STK3: variants seen among roughly 807,000 people sequenced by gnomAD.
The protein encoded by STK3 is serine/threonine-protein kinase 3.
A neutral mutation model predicts 58.0 loss-of-function variants in STK3; 41 were observed. That is an observed-to-expected ratio of 0.71 (90% CI 0.55 to 0.92). The LOEUF (loss-of-function observed/expected upper bound fraction) is 0.92. Ranked by LOEUF, STK3 falls within the 40% of genes least tolerant of loss-of-function variation. The pLI is 0.00. For synonymous variants in STK3, 170 were observed against 191.0 expected (o/e 0.89, Z 0.91); for missense variants, 479 against 602.7 (o/e 0.79, Z 2.15).
chr8:98,366,260 TTG>T (rs1251021712), downstream of STK3, among the ~76,000 whole-genome samples: 8 of 152,224 alleles, frequency 5.3e-5, no homozygotes, highest in Non-Finnish European at 1.0e-4. Flanking sequence ...CATAGGTATA[TTG>T]GACATTCAGG....
chr8:98,912,761 AG>A, intron 1 of STK3, among the ~76,000 whole-genome samples: 1 of 152,350 alleles, frequency 6.6e-6, no homozygotes, highest in South Asian at 2.1e-4. Context: ...TATAAGACCA[AG>A]GGAAATGAAT....
intron 4 of STK3, among the ~76,000 whole-genome samples, chr8:98,711,497 C>T (rs1826436533): frequency 6.6e-6 from 1 of 152,130 alleles, no homozygotes; most frequent in Non-Finnish European, 1.5e-5. Context: ...GCACAAGCCT[C>T]AGTAGCCGAT....
intron 10 of STK3, among the ~76,000 whole-genome samples, chr8:98,462,312 G>T (rs1705917800): frequency 1.3e-5 from 2 of 152,100 alleles, no homozygotes; most frequent in Admixed American, 1.3e-4. Context: ...AATGGATAAA[G>T]AAAATATGGT....
At chr8:98,704,743 C>A (rs1825855138) in intron 6 of STK3, among the ~76,000 whole-genome samples, 1 of 152,162 alleles carries the variant, frequency 6.6e-6, no homozygotes, top group Admixed American at 6.5e-5. Flanking sequence ...CAATTCTCTG[C>A]TATCTGAGCA....
In STK3 at chr8:98,596,174, T is replaced by A; in HGVS notation, c.685-5A>T. ...TGTGGGAATCATAAAAATAGCCTAG[T>A]ACAAATGAAATATCCAAAAGACAGT... On this transcript the variant is annotated splice_polypyrimidine_tract_variant and splice_region_variant and intron_variant, in intron 6 of 10. Coordinates refer to ENST00000419617, the MANE Select transcript of STK3 (RefSeq NM_006281.4). The A allele has an allele frequency of 1.2e-6, 2 of 1,610,136 alleles. No homozygotes were observed. Among genetic ancestry groups the A allele is most frequent in the East Asian group, 4.5e-5 (2 of 44,838 alleles).
intron 3 of STK3, among the ~76,000 whole-genome samples, chr8:98,850,848 G>A (rs1473200185): frequency 6.6e-6 from 1 of 152,144 alleles, no homozygotes; most frequent in Non-Finnish European, 1.5e-5. Context: ...GATCAGAGCC[G>A]CATTTTAGAA....
At chr8:98,838,202 C>T (rs974134245) in intron 3 of STK3, among the ~76,000 whole-genome samples, 7 of 152,028 alleles carry the variant, frequency 4.6e-5, no homozygotes, top group African/African-American at 1.7e-4. Flanking sequence ...AAGATCATGC[C>T]ATTGCCCTCC....
chr8:98,592,617 C>A (rs1815414265), intron 7 of STK3, among the ~76,000 whole-genome samples: 1 of 151,956 alleles, frequency 6.6e-6, no homozygotes. Flanking sequence ...TATTGCTCTA[C>A]ACTCCTCTAG....
At chr8:98,375,822 T>C (rs1817668738) in intron 2 of STK3, among the ~76,000 whole-genome samples, 1 of 152,184 alleles carries the variant, frequency 6.6e-6, no homozygotes, top group Non-Finnish European at 1.5e-5. Context: ...TGGAGGACAT[T>C]TGGTTTGTTT....
chr8:98,564,493 G>A (rs983732017), intron 8 of STK3, among the ~76,000 whole-genome samples: 1 of 152,066 alleles, frequency 6.6e-6, no homozygotes, highest in Non-Finnish European at 1.5e-5. Flanking sequence ...AGAGGCTAGG[G>A]GTGGTAGGGA....
At position 98,749,408 on chromosome 8, in the gene STK3, A is replaced by C. The variant is rs751805691; in HGVS notation, c.237-18T>G. 7.2e-7 allele frequency: 1 copy of C among 1,397,956 alleles called. No homozygotes were observed. The highest frequency in any genetic ancestry group is 1.5e-5 in the South Asian group (1 of 68,246). 86.6% of individuals were successfully genotyped at this position (1,397,956 alleles called of 1,614,324 possible). On this transcript the variant is annotated intron_variant, in intron 3 of 10. Coordinates refer to ENST00000419617, the MANE Select transcript of STK3 (RefSeq NM_006281.4). ...CATATGGGCTAAAGGAAAATACATA[A>C]ACAATTAAATTTAGTTAATTCCCAA...
intron 6 of STK3, among the ~76,000 whole-genome samples, chr8:98,666,667 T>C (rs997461234): frequency 6.6e-6 from 1 of 152,162 alleles, no homozygotes; most frequent in Non-Finnish European, 1.5e-5. Flanking sequence ...ATCAAAAGAA[T>C]ACACATTGAT....
chr8:98,740,234 A>G (rs369893758), intron 4 of STK3, among the ~76,000 whole-genome samples: 3 of 152,076 alleles, frequency 2.0e-5, no homozygotes, highest in Non-Finnish European at 4.4e-5. Context: ...GATTCAGGAA[A>G]TACAGAGAAC....
intron 3 of STK3, among the ~76,000 whole-genome samples, chr8:98,848,919 G>A (rs1030584394): frequency 6.6e-6 from 1 of 152,112 alleles, no homozygotes; most frequent in Non-Finnish European, 1.5e-5. Flanking sequence ...GATGAAGGCT[G>A]TAATTTTCTT....
intron 6 of STK3, among the ~76,000 whole-genome samples, chr8:98,667,781 T>C (rs1009452332): frequency 5.9e-5 from 9 of 152,064 alleles, no homozygotes; most frequent in African/African-American, 2.2e-4. Flanking sequence ...ATTAGTAACA[T>C]GACAATCATA....
chr8:98,387,881 T>C (rs1817809128), intron 1 of STK3, among the ~76,000 whole-genome samples: 1 of 151,442 alleles, frequency 6.6e-6, no homozygotes, highest in South Asian at 2.1e-4. Flanking sequence ...CCCTTTTTTT[T>C]TTTTTTTTGT....
At chr8:98,590,583 TC>T (rs1375822839) in intron 7 of STK3, among the ~76,000 whole-genome samples, 2 of 152,178 alleles carry the variant, frequency 1.3e-5, no homozygotes, top group African/African-American at 4.8e-5. Context: ...GGGATTGATC[TC>T]CCAAGGGAGG....
chr8:98,513,948 C>T (rs535491362), intron 10 of STK3, among the ~76,000 whole-genome samples: 2 of 152,130 alleles, frequency 1.3e-5, no homozygotes, highest in Non-Finnish European at 2.9e-5. Context: ...AAGCTATCAT[C>T]CCAAGAAAAC....
chr8:98,530,933 G>A (rs1826130631), intron 9 of STK3, among the ~76,000 whole-genome samples: 1 of 152,184 alleles, frequency 6.6e-6, no homozygotes, highest in Admixed American at 6.5e-5. Context: ...TTAATCATGA[G>A]ATTGCAGCAA....
Sources: gnomAD v4.1 joint callset for allele counts (sites outside exome capture counted in the v4.1 genomes callset) on GRCh38, gnomAD v4.1.1 for gene constraint, MANE v1.5 for transcripts, NCBI Gene and HGNC (gene_info 2026-07-23, HGNC 2026-07-21) for gene names.